Variants in SYNPR observed in about 807,000 individuals in gnomAD.
The protein encoded by SYNPR is synaptoporin.
In SYNPR, 23 loss-of-function variants were observed where a neutral mutation model predicts 32.9. That is an observed-to-expected ratio of 0.70 (90% CI 0.50 to 0.99). SYNPR has a LOEUF of 0.99. Among genes scored for constraint, SYNPR ranks in the 50% least tolerant of loss-of-function variants. SYNPR has a pLI of 0.00. For synonymous variants in SYNPR, 146 were observed against 135.9 expected, an observed-to-expected ratio of 1.07 and a Z score of -0.52; for missense variants, 318 against 349.3, an observed-to-expected ratio of 0.91 and a Z score of 0.71.
At chr3:63,591,319 G>C (rs1185375690) in intron 4 of SYNPR, among the ~76,000 whole-genome samples, 1 of 127,814 alleles carries the variant, frequency 7.8e-6, no homozygotes, top group Non-Finnish European at 1.6e-5. Flanking sequence ...AGGTGCTGGA[G>C]AGGATGTGGA....
intron 3 of SYNPR, among the ~76,000 whole-genome samples, chr3:63,551,113 G>C (rs1011280405): frequency 1.3e-5 from 2 of 152,110 alleles, no homozygotes. Flanking sequence ...ACACTAACCT[G>C]CTTTTGTCTC....
intron 2 of SYNPR, among the ~76,000 whole-genome samples, chr3:63,406,143 AGAGAACAAC>A (rs942812565): frequency 2.0e-5 from 3 of 152,142 alleles, no homozygotes; most frequent in African/African-American, 7.2e-5. Flanking sequence ...AATCAATGTT[AGAGAACAAC>A]GAGATGAGGA....
At chr3:63,208,270 A>G in the SYNPR span, among the ~76,000 whole-genome samples, 6 of 152,132 alleles carry the variant, frequency 3.9e-5, no homozygotes, top group African/African-American at 1.4e-4. Flanking sequence ...CAGTTATTTT[A>G]TGACTGGAGT....
At chr3:63,583,063 T>C (rs1703120931) in intron 4 of SYNPR, among the ~76,000 whole-genome samples, 1 of 151,940 alleles carries the variant, frequency 6.6e-6, no homozygotes, top group South Asian at 2.1e-4. Flanking sequence ...GGGTAGGCAG[T>C]GGAAAGTTAC....
chr3:63,235,768 G>T (rs979564142), intron 1 of SYNPR, among the ~76,000 whole-genome samples: 3 of 151,980 alleles, frequency 2.0e-5, no homozygotes, highest in Non-Finnish European at 1.5e-5. Context: ...TTAGCCCTTT[G>T]TTGGATATGA....
chr3:63,315,528 G>C (rs2087031146), intron 2 of SYNPR, among the ~76,000 whole-genome samples: 1 of 151,842 alleles, frequency 6.6e-6, no homozygotes, highest in Admixed American at 6.6e-5. Flanking sequence ...TTCTTGATTT[G>C]ATTTTCTGTT....
chr3:63,586,177 C>A (rs1019258085), intron 4 of SYNPR, among the ~76,000 whole-genome samples: 22 of 151,796 alleles, frequency 1.4e-4, no homozygotes, highest in African/African-American at 5.3e-4. Flanking sequence ...TGATATATGA[C>A]AGAATAATGG....
intron 2 of SYNPR, among the ~76,000 whole-genome samples, chr3:63,395,097 C>T (rs1203822028): frequency 1.3e-5 from 2 of 148,968 alleles, no homozygotes; most frequent in African/African-American, 2.5e-5. Flanking sequence ...GACTACTGAT[C>T]ATTAAACAAT....
intron 2 of SYNPR, among the ~76,000 whole-genome samples, chr3:63,412,104 A>T (rs911698668): frequency 3.9e-5 from 6 of 152,104 alleles, no homozygotes; most frequent in African/African-American, 1.4e-4. Flanking sequence ...GGAACTTCAC[A>T]ATAAGTTAGA....
intron 2 of SYNPR, among the ~76,000 whole-genome samples, chr3:63,260,685 C>G (rs1341087968): frequency 4.0e-5 from 6 of 151,836 alleles, no homozygotes; most frequent in Non-Finnish European, 7.4e-5. Context: ...TCTAAAACAC[C>G]AAAAGCAATG....
At chr3:63,567,884 A>G (rs576653810) in intron 4 of SYNPR, among the ~76,000 whole-genome samples, 104 of 152,328 alleles carry the variant, frequency 6.8e-4, no homozygotes, top group African/African-American at 1.9e-3. Flanking sequence ...TTGTTCTCAA[A>G]TATCTAAGAA....
Position 63,561,297 on chromosome 3 carries a change from A to G in SYNPR, c.408+4556A>G, listed in dbSNP as rs554089354. 3 of 152,328 alleles carry G rather than the reference A, an allele frequency of 2.0e-5. No homozygotes were observed. The East Asian group carries it at 5.8e-4, about 29-fold the overall frequency. 9.4% of individuals were successfully genotyped at this position (152,328 alleles called of 1,614,324 possible). On this transcript the variant is annotated intron_variant, in intron 4 of 5. Transcript: ENST00000478300. Reference sequence around the variant, plus strand: ...CTACTATGTGATGAGCTAATTTAATACTCAAGACAACCCTAGTTTATATTA... The same window carrying G: ...CTACTATGTGATGAGCTAATTTAATGCTCAAGACAACCCTAGTTTATATTA...
At chr3:63,316,411 T>C (rs2087043987) in intron 2 of SYNPR, among the ~76,000 whole-genome samples, 1 of 151,966 alleles carries the variant, frequency 6.6e-6, no homozygotes, top group East Asian at 1.9e-4. Flanking sequence ...TCAATTTAAA[T>C]GCTTGTTATT....
In SYNPR at chr3:63,379,861, C is replaced by T. The variant is rs372382708; in HGVS notation, c.85-100971C>T. Among the ~76,000 whole-genome samples, 40 of 151,944 alleles carry T rather than the reference C, an allele frequency of 2.6e-4. 1 individual carries two copies. Among genetic ancestry groups the T allele is most frequent in the African/African-American group, 6.8e-4 (28 of 41,366 alleles). Reference sequence around the variant, plus strand: ...CCTCCCCCAACCCCACAAAAGGCCCCGGTGTGTGATGTTCCCCTTCCTGTG... The same window carrying T: ...CCTCCCCCAACCCCACAAAAGGCCCTGGTGTGTGATGTTCCCCTTCCTGTG... On this transcript the variant is annotated intron_variant, in intron 2 of 5. Coordinates refer to ENST00000478300, the MANE Select transcript of SYNPR (RefSeq NM_001130003.2).
chr3:63,322,577 C>T (rs2087122387), intron 2 of SYNPR, among the ~76,000 whole-genome samples: 1 of 152,020 alleles, frequency 6.6e-6, no homozygotes, highest in African/African-American at 2.4e-5. Context: ...TATATGGAGG[C>T]TTTTATGTAA....
At chr3:63,241,738 T>A (rs77597378) in intron 1 of SYNPR, among the ~76,000 whole-genome samples, 1 of 152,110 alleles carries the variant, frequency 6.6e-6, no homozygotes, top group African/African-American at 2.4e-5. Flanking sequence ...TAACCAATCC[T>A]GAAATGATCC....
At chr3:63,380,021 C>T (rs1409833147) in intron 2 of SYNPR, among the ~76,000 whole-genome samples, 1 of 152,154 alleles carries the variant, frequency 6.6e-6, no homozygotes, top group East Asian at 1.9e-4. Flanking sequence ...ATGAACTCAT[C>T]ATTTTTTATG....
intron 4 of SYNPR, among the ~76,000 whole-genome samples, chr3:63,574,024 G>T (rs1256850849): frequency 6.6e-6 from 1 of 152,112 alleles, no homozygotes; most frequent in Non-Finnish European, 1.5e-5. Flanking sequence ...TGCTGTGGAT[G>T]ATGGAATCTA....
chr3:63,555,195 T>C (rs6767129), intron 3 of SYNPR, among the ~76,000 whole-genome samples: 3,266 of 151,766 alleles, frequency 0.022, 116 homozygotes, highest in African/African-American at 0.074. Flanking sequence ...TTGGATGCCT[T>C]TTATTTTTTT....
Sources: gnomAD v4.1 joint callset for allele counts (sites outside exome capture counted in the v4.1 genomes callset) on GRCh38, gnomAD v4.1.1 for gene constraint, MANE v1.5 for transcripts, NCBI Gene and HGNC (gene_info 2026-07-23, HGNC 2026-07-21) for gene names.